The following PLXNA2 variants were observed in gnomAD, a reference collection of about 807,000 sequenced individuals.
The protein encoded by PLXNA2 is plexin A2, also known as plexin-A2.
In PLXNA2, 91 loss-of-function variants were observed where a neutral mutation model predicts 193.5. The observed-to-expected ratio is 0.47, with a 90% CI of 0.40 to 0.56. The LOEUF is 0.56. Among genes scored for constraint, PLXNA2 ranks in the 20% least tolerant of loss-of-function variants. The pLI is 0.00. For synonymous variants in PLXNA2, 997 were observed against 1,027.3 expected (o/e 0.97, Z 0.56); for missense variants, 1,995 against 2,503.2 (o/e 0.80, Z 4.33).
intron 4 of PLXNA2, among the ~76,000 whole-genome samples, chr1:208,108,863 G>T (rs1667365761): frequency 6.6e-6 from 1 of 152,130 alleles, no homozygotes; most frequent in Non-Finnish European, 1.5e-5. Context: ...CACCTCAGGG[G>T]GCTCTGGCAG....
At position 208,064,479 on chromosome 1, in the gene PLXNA2, A is replaced by C. The variant is rs539464208; in HGVS notation, c.2587-3642T>G. 3.3e-5 allele frequency among the ~76,000 whole-genome samples: 5 copies of C among 152,068 alleles called. No homozygotes were observed. In the East Asian group the frequency reaches 9.7e-4, roughly 29 times the overall value. On this transcript the variant is annotated intron_variant, in intron 12 of 31. Coordinates refer to ENST00000367033, the MANE Select transcript of PLXNA2 (RefSeq NM_025179.4). ...TAGCACATCCTTCATGCCCTGCCCT[A>C]TCGGTGGTTCCTTTCTACATCACGC...
chr1:208,171,886 G>A (rs933837028), intron 3 of PLXNA2, among the ~76,000 whole-genome samples: 55 of 151,662 alleles, frequency 3.6e-4, no homozygotes, highest in African/African-American at 1.2e-3. Context: ...GATAATAATA[G>A]CTCTTACCCT....
At position 208,236,811 on chromosome 1, in the gene PLXNA2, C is replaced by T. The variant is rs1364403823; in HGVS notation, c.-81+6832G>A. On this transcript the variant is annotated intron_variant, in intron 1 of 31. Coordinates refer to ENST00000367033, the MANE Select transcript of PLXNA2 (RefSeq NM_025179.4). The surrounding 1 kb of genome is among the most constrained non-coding windows in gnomAD (Gnocchi z 4.4). ...TGTGGAGGGGGCAAGAACTCCTTCT[C>T]TTCGGAAATACAAGACTACACATAC... Among the ~76,000 whole-genome samples the T allele has an allele frequency of 1.3e-5, 2 of 152,186 alleles. No homozygotes were observed. The highest frequency in any genetic ancestry group is 2.9e-5 in the Non-Finnish European group (2 of 68,040).
At chr1:208,059,493 C>T (rs1219308272) in intron 13 of PLXNA2, among the ~76,000 whole-genome samples, 2 of 152,170 alleles carry the variant, frequency 1.3e-5, no homozygotes, top group East Asian at 1.9e-4. Flanking sequence ...CTGGGCCCTG[C>T]GAGAATCACG....
At chr1:208,072,899 G>A (rs2498030) in intron 12 of PLXNA2, among the ~76,000 whole-genome samples, 8,002 of 152,202 alleles carry the variant, frequency 0.053, 292 homozygotes, top group East Asian at 0.11. Flanking sequence ...GATCCTGCAC[G>A]CAGAGACATT....
chr1:208,168,296 G>C (rs1008705280), intron 3 of PLXNA2, among the ~76,000 whole-genome samples: 1 of 152,180 alleles, frequency 6.6e-6, no homozygotes, highest in Non-Finnish European at 1.5e-5. Context: ...AAGAGGAATG[G>C]ACTATGAGGA....
chr1:208,219,198 C>T (rs1671240587), intron 1 of PLXNA2, among the ~76,000 whole-genome samples: 1 of 152,210 alleles, frequency 6.6e-6, no homozygotes, highest in East Asian at 1.9e-4. Flanking sequence ...CTTCCCTGTT[C>T]CAAGGAAGCT....
intron 13 of PLXNA2, among the ~76,000 whole-genome samples, chr1:208,055,303 A>G (rs937878088): frequency 3.3e-5 from 5 of 152,192 alleles, no homozygotes; most frequent in Non-Finnish European, 7.3e-5. Flanking sequence ...GCCCAGATCA[A>G]TACCCCTAGT....
At chr1:208,196,563 C>A (rs1670366517) in intron 3 of PLXNA2, among the ~76,000 whole-genome samples, 1 of 152,140 alleles carries the variant, frequency 6.6e-6, no homozygotes, top group Non-Finnish European at 1.5e-5. Flanking sequence ...CATGGAGGTG[C>A]TGAACACCTG....
chr1:208,133,183 G>T (rs1571953083), intron 4 of PLXNA2, among the ~76,000 whole-genome samples: 1 of 152,336 alleles, frequency 6.6e-6, no homozygotes, highest in Non-Finnish European at 1.5e-5. Flanking sequence ...CAATTAGGGA[G>T]GGAACCAGGA....
chr1:208,237,068 C>G (rs530228661), intron 1 of PLXNA2, among the ~76,000 whole-genome samples: 12 of 152,300 alleles, frequency 7.9e-5, no homozygotes, highest in Non-Finnish European at 1.2e-4. Context: ...CATTAGCATC[C>G]CTTACCCTCT....
intron 4 of PLXNA2, among the ~76,000 whole-genome samples, chr1:208,114,677 C>T (rs1356304767): frequency 6.6e-6 from 1 of 152,244 alleles, no homozygotes; most frequent in Non-Finnish European, 1.5e-5. Flanking sequence ...ACTTGGGCAT[C>T]TTGTCCTCTC....
chr1:208,084,623 G>T, intron 9 of PLXNA2, 43 bp from the exon 10 acceptor site: 1 of 1,585,264 alleles, frequency 6.3e-7, no homozygotes, highest in Non-Finnish European at 8.6e-7. Context: ...CCCTGTTCAT[G>T]CTGTCCTATG....
chr1:208,204,606 G>T (rs1670656841), intron 3 of PLXNA2, among the ~76,000 whole-genome samples: 1 of 152,142 alleles, frequency 6.6e-6, no homozygotes, highest in Non-Finnish European at 1.5e-5. Flanking sequence ...GTCACCGTTG[G>T]TGTCTGATTC....
chr1:208,119,028 A>T (rs1429623939), intron 4 of PLXNA2, among the ~76,000 whole-genome samples: 1 of 152,200 alleles, frequency 6.6e-6, no homozygotes, highest in African/African-American at 2.4e-5. Flanking sequence ...CTGGACTTTT[A>T]ACCACCTGAG....
chr1:208,144,031 A>G (rs186437768), intron 3 of PLXNA2, among the ~76,000 whole-genome samples: 1 of 152,188 alleles, frequency 6.6e-6, no homozygotes. Flanking sequence ...CTTAGGGCTG[A>G]ATCAAAGTGA....
At chr1:208,112,728 C>T (rs1667520538) in intron 4 of PLXNA2, among the ~76,000 whole-genome samples, 1 of 152,098 alleles carries the variant, frequency 6.6e-6, no homozygotes, top group South Asian at 2.1e-4. Context: ...AGCCATCCAG[C>T]CCCTGTAACT....
At chr1:208,175,441 C>T (rs565202930) in intron 3 of PLXNA2, among the ~76,000 whole-genome samples, 46 of 152,274 alleles carry the variant, frequency 3.0e-4, no homozygotes, top group African/African-American at 1.1e-3. Context: ...CTGGCACATC[C>T]TCTGAACATG....
chr1:208,218,447 C>A (rs1049685357), intron 1 of PLXNA2, among the ~76,000 whole-genome samples: 1 of 152,160 alleles, frequency 6.6e-6, no homozygotes, highest in African/African-American at 2.4e-5. Context: ...CCAGGCTCTC[C>A]AGGTCAACTG....
Sources: gnomAD v4.1 joint callset for allele counts (sites outside exome capture counted in the v4.1 genomes callset) on GRCh38, gnomAD v4.1.1 for gene constraint, Gnocchi (gnomAD v3.1) non-coding constraint, MANE v1.5 for transcripts, NCBI Gene and HGNC (gene_info 2026-07-23, HGNC 2026-07-21) for gene names.